The following SNRPC variants were observed in gnomAD, a reference collection of about 807,000 sequenced individuals.
The protein encoded by SNRPC is small nuclear ribonucleoprotein polypeptide C, also known as U1 small nuclear ribonucleoprotein C.
In SNRPC, 5 loss-of-function variants were observed where a neutral mutation model predicts 20.0. The ratio of observed to expected loss-of-function variants is 0.25; its 90% CI spans 0.13 to 0.53. The LOEUF is 0.53. Ranked by LOEUF, SNRPC falls within the 20% of genes least tolerant of loss-of-function variation. The pLI is 0.96. For missense variants in SNRPC, 112 were observed against 224.1 expected, an observed-to-expected ratio of 0.50 and a Z score of 3.19; for synonymous variants, 61 against 58.7, an observed-to-expected ratio of 1.04 and a Z score of -0.18.
chr6:34,759,621 C>T (rs1347403200), intron 2 of SNRPC, among the ~76,000 whole-genome samples: 1 of 152,118 alleles, frequency 6.6e-6, no homozygotes, highest in African/African-American at 2.4e-5. Flanking sequence ...TGAGTACATA[C>T]GTTGAAGAAT....
intron 5 of SNRPC, among the ~76,000 whole-genome samples, chr6:34,772,695 T>C (rs571366818): frequency 5.3e-5 from 8 of 152,298 alleles, no homozygotes; most frequent in Admixed American, 4.6e-4. Context: ...TTAATATCCA[T>C]GAACCCACCA....
chr6:34,757,519 A>G lies in SNRPC; in HGVS notation c.-25A>G, dbSNP rs749967315. On this transcript the variant is annotated 5_prime_UTR_variant, in exon 1 of 6. Transcript: ENST00000244520. ...GTCATTTCCGGGCGTCACGTAACGGAGTGGCCAACGGCCTGCAGAGCAACA... is the reference window on the plus strand; with the variant it reads ...GTCATTTCCGGGCGTCACGTAACGGGGTGGCCAACGGCCTGCAGAGCAACA... The G allele has an allele frequency of 2.0e-5, 33 of 1,612,492 alleles. No individual in the cohort carries two copies. Among genetic ancestry groups the G allele is most frequent in the Non-Finnish European group, 2.7e-5 (32 of 1,178,680 alleles).
intron 3 of SNRPC, among the ~76,000 whole-genome samples, chr6:34,765,992 C>T (rs1026258549): frequency 3.3e-5 from 5 of 152,140 alleles, no homozygotes; most frequent in Admixed American, 6.6e-5. Context: ...CCTCCTGCCT[C>T]GGCCTCCAGA....
At chr6:34,767,795 C>A in intron 3 of SNRPC, 113 bp from the exon 4 acceptor site, 1 of 1,075,844 alleles carries the variant, frequency 9.3e-7, no homozygotes, top group Non-Finnish European at 1.3e-6. Context: ...TGACAACTAG[C>A]AAGAGTAAAG....
In SNRPC at chr6:34,766,770, G is replaced by T. The variant is rs1764618845; in HGVS notation, c.161-1138G>T. Among the ~76,000 whole-genome samples, 3 of 152,118 alleles carry T rather than the reference G, an allele frequency of 2.0e-5. No homozygotes were observed. In the South Asian group the frequency reaches 6.2e-4, roughly 31 times the overall value. On this transcript the variant is annotated intron_variant, in intron 3 of 5. Coordinates refer to ENST00000244520, the MANE Select transcript of SNRPC (RefSeq NM_003093.3). ...GAGATCGCACAGGCTTTATTCAGAG[G>T]CATATGGATAATAAGCTATTCATGA...
intron 3 of SNRPC, among the ~76,000 whole-genome samples, chr6:34,765,135 G>A (rs946631680): frequency 2.0e-5 from 3 of 152,180 alleles, no homozygotes; most frequent in South Asian, 2.1e-4. Context: ...TCTCAACCTC[G>A]ATACTGTTGG....
chr6:34,758,607 G>T (rs1487542179), intron 2 of SNRPC, among the ~76,000 whole-genome samples: 1 of 152,072 alleles, frequency 6.6e-6, no homozygotes, highest in Non-Finnish European at 1.5e-5. Context: ...GAGCCACCAT[G>T]CCCAGCCAAC....
intron 1 of SNRPC, 88 bp downstream of exon 1, chr6:34,757,639 A>G (rs2127405039): frequency 1.4e-6 from 2 of 1,444,186 alleles, no homozygotes. Context: ...GGTTTCTGAA[A>G]CCTCGAGGGA....
chr6:34,764,237 T>C (rs1764583458), intron 3 of SNRPC, among the ~76,000 whole-genome samples: 1 of 151,196 alleles, frequency 6.6e-6, no homozygotes. Context: ...CCTAGCACTT[T>C]GGGAGGCTGA....
chr6:34,767,452 C>T (rs1030431934), intron 3 of SNRPC, among the ~76,000 whole-genome samples: 2 of 152,138 alleles, frequency 1.3e-5, no homozygotes, highest in Non-Finnish European at 2.9e-5. Context: ...GAAACCCGGT[C>T]TCTATAAAAA....
At chr6:34,765,023 A>G (rs1393936394) in intron 3 of SNRPC, among the ~76,000 whole-genome samples, 2 of 152,122 alleles carry the variant, frequency 1.3e-5, no homozygotes, top group East Asian at 3.8e-4. Context: ...TCTGTCTGAA[A>G]AAAAAAACTA....
intron 3 of SNRPC, among the ~76,000 whole-genome samples, chr6:34,765,235 C>T (rs1252032325): frequency 1.3e-5 from 2 of 152,110 alleles, no homozygotes; most frequent in Non-Finnish European, 2.9e-5. Flanking sequence ...CAACTAGATG[C>T]CCGTACCAAC....
At position 34,767,784 on chromosome 6, in the gene SNRPC, A is replaced by T. The variant is rs1015024825; in HGVS notation, c.161-124A>T. On this transcript the variant is annotated intron_variant, in intron 3 of 5. Coordinates refer to ENST00000244520, the MANE Select transcript of SNRPC (RefSeq NM_003093.3). ...TAGAACCATGATGTAATAATTTTAGATGACAACTAGCAAGAGTAAAGTAAT... is the reference window on the plus strand; with the variant it reads ...TAGAACCATGATGTAATAATTTTAGTTGACAACTAGCAAGAGTAAAGTAAT... 9 of 958,236 alleles carry T rather than the reference A, an allele frequency of 9.4e-6. No homozygotes were observed. The African/African-American group carries it at 1.5e-4, about 16-fold the overall frequency. The allele number at this position is 958,236 out of a possible 1,614,324, so 59.4% of individuals were successfully genotyped here.
At chr6:34,760,615 AC>A (rs1243098159) in intron 2 of SNRPC, among the ~76,000 whole-genome samples, 2 of 152,140 alleles carry the variant, frequency 1.3e-5, no homozygotes, top group African/African-American at 4.8e-5. Context: ...AATTCAGAGA[AC>A]TGAGAAGTAT....
Position 34,770,210 on chromosome 6 carries a change from G to A in SNRPC, c.251-81G>A, listed in dbSNP as rs1448544793. Reference sequence around the variant, plus strand: ...GCACTCCGGCCTGGGCAACAAGAACGAAACTCCGTCTCAAAAAAAAAGAAG... The same window carrying A: ...GCACTCCGGCCTGGGCAACAAGAACAAAACTCCGTCTCAAAAAAAAAGAAG... On this transcript the variant is annotated intron_variant, in intron 4 of 5. Transcript: ENST00000244520. 6 of 1,077,126 alleles carry A rather than the reference G, an allele frequency of 5.6e-6. No homozygotes were observed. In the East Asian group the frequency reaches 9.5e-5, roughly 17 times the overall value. The allele number at this position is 1,077,126 out of a possible 1,614,324, so 66.7% of individuals were successfully genotyped here.
intron 4 of SNRPC, 110 bp downstream of exon 4, chr6:34,768,107 A>G (rs926372261): frequency 6.7e-6 from 5 of 748,264 alleles, no homozygotes; most frequent in African/African-American, 1.8e-5. Flanking sequence ...GTATGTAGAT[A>G]GTAATATAAA....
At chr6:34,761,775 C>T (rs2127405968) in intron 2 of SNRPC, among the ~76,000 whole-genome samples, 1 of 151,932 alleles carries the variant, frequency 6.6e-6, no homozygotes, top group East Asian at 1.9e-4. Flanking sequence ...TCCCAAAGTG[C>T]TGGGATTACA....
Position 34,770,362 on chromosome 6 carries a change from C to T in SNRPC, c.322C>T (p.Pro108Ser), listed in dbSNP as rs1764671238. ...CCCTCCCATGATGCCAATGATGGGCCCTCCTCCTCCTGGGATGATGCCAGT... is the reference window on the plus strand; with the variant it reads ...CCCTCCCATGATGCCAATGATGGGCTCTCCTCCTCCTGGGATGATGCCAGT... ...GGPPMMPMMG[P>S]PPPGMMPVGP... The change falls in exon 5 of 6, where the codon CCT (proline) becomes TCT (serine). Residue 108 changes from proline (P) to serine (S), a missense_variant. This residue lies in a region of SNRPC where 57 missense variants were observed against 121.0 expected (regional missense o/e 0.47). Coordinates refer to ENST00000244520, the MANE Select transcript of SNRPC (RefSeq NM_003093.3). 11 of 1,609,944 alleles carry T rather than the reference C, an allele frequency of 6.8e-6. No individual in the cohort carries two copies. The highest frequency in any genetic ancestry group is 9.4e-6 in the Non-Finnish European group (11 of 1,176,210).
chr6:34,758,682 C>A (rs1764486333), intron 2 of SNRPC, among the ~76,000 whole-genome samples: 2 of 152,118 alleles, frequency 1.3e-5, no homozygotes, highest in African/African-American at 4.8e-5. Context: ...TTTTACCATG[C>A]ATGATTTTGT....
Sources: gnomAD v4.1 joint callset for allele counts (sites outside exome capture counted in the v4.1 genomes callset) on GRCh38, gnomAD v4.1.1 for gene constraint, gnomAD v4.1.1 regional missense constraint, MANE v1.5 for transcripts, NCBI Gene and HGNC (gene_info 2026-07-23, HGNC 2026-07-21) for gene names.